Variants in PBX3 observed in about 807,000 individuals in gnomAD.
PBX3 encodes the protein pre-B-cell leukemia transcription factor 3.
A neutral mutation model predicts 48.5 loss-of-function variants in PBX3; 14 were observed. That is an observed-to-expected ratio of 0.29 (90% confidence interval 0.19 to 0.45). PBX3 has a LOEUF of 0.45. PBX3 is among the 20% of genes least tolerant of loss of function. The probability of loss-of-function intolerance (pLI) is 1.00; values close to 1 mark genes in which losing one functional copy is unlikely to be tolerated. For synonymous variants in PBX3, 210 were observed against 200.3 expected, an observed-to-expected ratio of 1.05 and a Z score of -0.41; for missense variants, 386 against 546.7, an observed-to-expected ratio of 0.71 and a Z score of 2.93.
intron 2 of PBX3, among the ~76,000 whole-genome samples, chr9:125,854,651 T>A (rs1267694136): frequency 6.6e-6 from 1 of 152,220 alleles, no homozygotes; most frequent in South Asian, 2.1e-4. Flanking sequence ...CTAATTCAGT[T>A]GTCTCAGATT....
Position 125,925,259 on chromosome 9 carries a change from A to G in PBX3, c.517-4396A>G, listed in dbSNP as rs139138273. 1.4e-3 allele frequency among the ~76,000 whole-genome samples: 215 copies of G among 152,272 alleles called. 6 individuals are homozygous for G. Among genetic ancestry groups the G allele is most frequent in the Admixed American group, 0.011 (168 of 15,298 alleles). On this transcript the variant is annotated intron_variant, in intron 3 of 8. Transcript: ENST00000373489. Reference sequence around the variant, plus strand: ...TTTCCCGAAGAGTTTTTCCTAGCATATTGGTCCACAAGATGCCGTAGAGCT... The same window carrying G: ...TTTCCCGAAGAGTTTTTCCTAGCATGTTGGTCCACAAGATGCCGTAGAGCT...
At chr9:125,911,061 C>A (rs867920080) in intron 2 of PBX3, among the ~76,000 whole-genome samples, 3 of 152,026 alleles carry the variant, frequency 2.0e-5, no homozygotes, top group African/African-American at 7.2e-5. Context: ...CTTACCCTCC[C>A]AACCCCAAAT....
At chr9:125,820,274 C>T (rs916217792) in intron 2 of PBX3, among the ~76,000 whole-genome samples, 3 of 152,114 alleles carry the variant, frequency 2.0e-5, no homozygotes, top group Non-Finnish European at 2.9e-5. Flanking sequence ...TTGCTTCACC[C>T]AAATAGATTG....
At chr9:125,874,909 CAT>C (rs1421534036) in intron 2 of PBX3, among the ~76,000 whole-genome samples, 1 of 152,112 alleles carries the variant, frequency 6.6e-6, no homozygotes, top group Non-Finnish European at 1.5e-5. Context: ...CTTTGTTTAA[CAT>C]AGCAAAAAAG....
chr9:125,821,488 CAA>C (rs1036101844), intron 2 of PBX3, among the ~76,000 whole-genome samples: 4 of 151,980 alleles, frequency 2.6e-5, no homozygotes, highest in Non-Finnish European at 5.9e-5. Context: ...GAAATGAAGA[CAA>C]GATCATATTA....
intron 2 of PBX3, among the ~76,000 whole-genome samples, chr9:125,810,252 T>G (rs180861411): frequency 1.3e-5 from 2 of 152,348 alleles, no homozygotes; most frequent in Non-Finnish European, 2.9e-5. Flanking sequence ...TAACTTATTA[T>G]GACTCATGTT....
rs1427310701 is a variant in PBX3 at position 125,915,815 on chromosome 9, C to T, written c.404C>T (p.Ala135Val). The change falls in exon 3 of 9, where the codon GCC becomes GTC. Residue 135 changes from alanine (A) to valine (V), a missense_variant. Coordinates refer to ENST00000373489, the MANE Select transcript of PBX3 (RefSeq NM_006195.6). Reference protein sequence around the residue: ...KGGGSAAAAAAAAASGGSSDN... With the variant: ...KGGGSAAAAAVAAASGGSSDN... ...GGGGGATCGGCGGCAGCAGCTGCAG[C>T]CGCGGCAGCCTCTGGAGGTTCTTCA... 1.2e-6 allele frequency: 2 copies of T among 1,613,738 alleles called. No homozygotes were observed.
chr9:125,824,362 A>G (rs1209286323), intron 2 of PBX3, among the ~76,000 whole-genome samples: 1 of 152,220 alleles, frequency 6.6e-6, no homozygotes, highest in Admixed American at 6.5e-5. Context: ...AATCTTAACC[A>G]GAAGCATGCT....
At chr9:125,792,042 A>G (rs74324432) in intron 2 of PBX3, among the ~76,000 whole-genome samples, 93 of 143,238 alleles carry the variant, frequency 6.5e-4, no homozygotes, top group African/African-American at 2.1e-3. Flanking sequence ...CTACACACAC[A>G]CACGCACGCA....
At chr9:125,860,130 C>T (rs1326044136) in intron 2 of PBX3, among the ~76,000 whole-genome samples, 1 of 152,216 alleles carries the variant, frequency 6.6e-6, no homozygotes, top group Non-Finnish European at 1.5e-5. Flanking sequence ...TGTGGCTCCG[C>T]TCATTGTAGT....
chr9:125,923,970 T>G (rs2132493659), intron 3 of PBX3, among the ~76,000 whole-genome samples: 1 of 152,172 alleles, frequency 6.6e-6, no homozygotes, highest in Admixed American at 6.5e-5. Flanking sequence ...GCTCAAGTGA[T>G]CCTCCTGCCC....
intron 2 of PBX3, among the ~76,000 whole-genome samples, chr9:125,829,383 T>A (rs1838895212): frequency 6.6e-6 from 1 of 152,134 alleles, no homozygotes; most frequent in African/African-American, 2.4e-5. Context: ...ACTTGTCACG[T>A]TTCTGGACAG....
chr9:125,914,629 A>G (rs1841285529), intron 2 of PBX3, among the ~76,000 whole-genome samples: 1 of 152,254 alleles, frequency 6.6e-6, no homozygotes. Context: ...GAATCCAAAT[A>G]CAAACAAGCA....
intron 2 of PBX3, chr9:125,844,846 G>A (rs1465165038): frequency 1.3e-5 from 2 of 151,960 alleles, no homozygotes; most frequent in African/African-American, 4.8e-5. Context: ...TCTTAAGGTC[G>A]GCCATGTGAA....
intron 2 of PBX3, among the ~76,000 whole-genome samples, chr9:125,838,866 T>A (rs1203458985): frequency 6.6e-6 from 1 of 152,082 alleles, no homozygotes; most frequent in African/African-American, 2.4e-5. Context: ...TAAAGTAGAA[T>A]TTTGAAGGCT....
intron 2 of PBX3, among the ~76,000 whole-genome samples, chr9:125,900,350 G>T (rs111773557): frequency 0.021 from 3,119 of 149,398 alleles, 36 homozygotes; most frequent in Middle Eastern, 0.049. Flanking sequence ...ACCACTTATT[G>T]TACAGAGATG....
At chr9:125,951,790 G>A (rs758391332) in intron 5 of PBX3, among the ~76,000 whole-genome samples, 3 of 152,282 alleles carry the variant, frequency 2.0e-5, no homozygotes, top group Middle Eastern at 3.4e-3. Flanking sequence ...ACACAGGTCC[G>A]TTTGGCTCTC....
At chr9:125,822,426 G>C (rs1460533243) in intron 2 of PBX3, among the ~76,000 whole-genome samples, 3 of 152,088 alleles carry the variant, frequency 2.0e-5, no homozygotes, top group African/African-American at 7.2e-5. Context: ...ACTGATGACT[G>C]AAAATTATTT....
intron 2 of PBX3, among the ~76,000 whole-genome samples, chr9:125,822,330 C>T (rs1838676133): frequency 6.6e-6 from 1 of 152,042 alleles, no homozygotes; most frequent in South Asian, 2.1e-4. Flanking sequence ...TTCTATTGCC[C>T]ATTTGGCATT....
Sources: gnomAD v4.1 joint callset for allele counts (sites outside exome capture counted in the v4.1 genomes callset) on GRCh38, gnomAD v4.1.1 for gene constraint, MANE v1.5 for transcripts, NCBI Gene and HGNC (gene_info 2026-07-23, HGNC 2026-07-21) for gene names.